WWOX: variants seen among roughly 807,000 people sequenced by gnomAD.
WWOX encodes WW domain-containing oxidoreductase.
A neutral mutation model predicts 46.2 loss-of-function variants in WWOX; 69 were observed. The ratio of observed to expected loss-of-function variants is 1.49; its 90% CI spans 1.23 to 1.82. The LOEUF (loss-of-function observed/expected upper bound fraction) is 1.82, where lower values mean the gene tolerates loss of function less well. Ranked by LOEUF, WWOX falls within the 40% of genes most tolerant of loss-of-function variation. The pLI, the probability that WWOX is intolerant of heterozygous loss-of-function variation, is 0.00. For missense variants in WWOX, 919 were observed against 542.6 expected, an observed-to-expected ratio of 1.69 and a Z score of -6.89; for synonymous variants, 359 against 202.6, an observed-to-expected ratio of 1.77 and a Z score of -6.56.
chr16:78,203,967 A>G (rs2036313103), intron 5 of WWOX, among the ~76,000 whole-genome samples: 1 of 152,156 alleles, frequency 6.6e-6, no homozygotes, highest in African/African-American at 2.4e-5. Flanking sequence ...TGGAGAGTTG[A>G]TGGGTAACAA....
intron 5 of WWOX, among the ~76,000 whole-genome samples, chr16:78,351,720 G>C (rs370293729): frequency 6.6e-6 from 1 of 152,092 alleles, no homozygotes; most frequent in Non-Finnish European, 1.5e-5. Flanking sequence ...GCAGTGGCAC[G>C]ATGTTGGCTC....
intron 6 of WWOX, among the ~76,000 whole-genome samples, chr16:78,390,487 T>C (rs1375070251): frequency 6.6e-6 from 1 of 152,224 alleles, no homozygotes; most frequent in African/African-American, 2.4e-5. Context: ...ATTTTCCATA[T>C]AGAGACCTCT....
At chr16:78,600,383 C>A (rs540473834) in intron 8 of WWOX, among the ~76,000 whole-genome samples, 2 of 152,150 alleles carry the variant, frequency 1.3e-5, no homozygotes, top group African/African-American at 4.8e-5. Context: ...AAACAGCCCC[C>A]CAGCTCCAGC....
intron 8 of WWOX, among the ~76,000 whole-genome samples, chr16:78,816,979 C>T (rs1054214605): frequency 2.0e-5 from 3 of 152,024 alleles, no homozygotes; most frequent in African/African-American, 7.2e-5. Flanking sequence ...TGGGCCTGAG[C>T]TATTGCCCAA....
intron 5 of WWOX, among the ~76,000 whole-genome samples, chr16:78,358,094 T>A (rs12930050): frequency 0.52 from 79,418 of 152,078 alleles, 22,301 homozygotes; most frequent in Non-Finnish European, 0.64. Context: ...GTTCTTTGTT[T>A]TTGTAAAAGC....
intron 8 of WWOX, among the ~76,000 whole-genome samples, chr16:78,829,880 C>T (rs980894919): frequency 6.6e-6 from 1 of 152,130 alleles, no homozygotes; most frequent in South Asian, 2.1e-4. Context: ...CTGTTGAGCA[C>T]CAGAGCAACC....
intron 8 of WWOX, among the ~76,000 whole-genome samples, chr16:78,914,847 C>G (rs542513754): frequency 1.0e-4 from 15 of 148,656 alleles, no homozygotes; most frequent in Middle Eastern, 3.5e-3. Context: ...CCACTGCACT[C>G]CCGCCCGGGT....
chr16:78,503,464 T>A lies in WWOX; in HGVS notation c.1056+70712T>A, dbSNP rs560049800. Among the ~76,000 whole-genome samples the A allele has an allele frequency of 6.6e-5, 10 of 152,312 alleles. No homozygotes were observed. The South Asian group carries it at 2.1e-3, about 32-fold the overall frequency. ...TCCTTATTGTAAAAAAAAAAAATTT[T>A]TTTTTGATCAAGGTGATTTTGATAA... is the stretch of plus-strand genomic sequence containing the variant. On this transcript the variant is annotated intron_variant, in intron 8 of 8. Coordinates refer to ENST00000566780, the MANE Select transcript of WWOX (RefSeq NM_016373.4).
chr16:78,711,126 A>G lies in WWOX; in HGVS notation c.1056+278374A>G, dbSNP rs576525989. On this transcript the variant is annotated intron_variant, in intron 8 of 8. Transcript: ENST00000566780. ...ACGTTTCTTTAAAGCCTGCTGGCTA[A>G]ATTAGGTGGGACCTTCTTTGTGTCC... Among the ~76,000 whole-genome samples the G allele has an allele frequency of 4.6e-5, 7 of 152,314 alleles. No homozygotes were observed. The South Asian group carries it at 1.2e-3, about 27-fold the overall frequency.
chr16:78,965,873 A>AT (rs1424332035), intron 8 of WWOX, among the ~76,000 whole-genome samples: 12 of 152,154 alleles, frequency 7.9e-5, no homozygotes, highest in Admixed American at 7.9e-4. Context: ...ACACTATTAG[A>AT]TTTTCCCAAG....
At chr16:78,889,457 G>C (rs1309287943) in intron 8 of WWOX, among the ~76,000 whole-genome samples, 1 of 150,346 alleles carries the variant, frequency 6.7e-6, no homozygotes, top group Non-Finnish European at 1.5e-5. Flanking sequence ...GTGTCTCAGA[G>C]TGATCATTCT....
At chr16:79,034,475 T>C (rs999455391) in intron 8 of WWOX, among the ~76,000 whole-genome samples, 1 of 152,258 alleles carries the variant, frequency 6.6e-6, no homozygotes, top group Non-Finnish European at 1.5e-5. Flanking sequence ...GCTGCATCTT[T>C]TGGGGGCTCT....
chr16:79,104,729 A>C (rs569606675), intron 8 of WWOX, among the ~76,000 whole-genome samples: 2 of 152,314 alleles, frequency 1.3e-5, no homozygotes, highest in East Asian at 3.9e-4. Flanking sequence ...GGGCCCCAGC[A>C]TGAGTCCTTT....
chr16:78,287,878 C>G, intron 5 of WWOX, among the ~76,000 whole-genome samples: 1 of 152,062 alleles, frequency 6.6e-6, no homozygotes, highest in South Asian at 2.1e-4. Context: ...TTTTAATGTT[C>G]CATTCTGAAG....
chr16:78,708,301 A>C (rs758883145), intron 8 of WWOX, among the ~76,000 whole-genome samples: 1 of 152,152 alleles, frequency 6.6e-6, no homozygotes, highest in Admixed American at 6.5e-5. Flanking sequence ...TACTCTAAAA[A>C]TTTTCTTTGG....
intron 8 of WWOX, among the ~76,000 whole-genome samples, chr16:78,796,576 A>T (rs1282089766): frequency 1.3e-5 from 2 of 152,238 alleles, no homozygotes; most frequent in East Asian, 3.8e-4. Context: ...ATTGCTTACA[A>T]TATTGCTTTT....
chr16:78,439,046 C>G (rs1244804415), intron 8 of WWOX, among the ~76,000 whole-genome samples: 3 of 152,178 alleles, frequency 2.0e-5, no homozygotes, highest in Non-Finnish European at 2.9e-5. Context: ...CTCCCCCTTT[C>G]CATCTTTAAA....
At chr16:78,896,409 T>A (rs1275023023) in intron 8 of WWOX, 1 of 152,142 alleles carries the variant, frequency 6.6e-6, no homozygotes, top group African/African-American at 2.4e-5. Flanking sequence ...GGGCCCTGAA[T>A]CGTGTATTCT....
At chr16:78,927,698 T>C (rs565266669) in intron 8 of WWOX, among the ~76,000 whole-genome samples, 6 of 152,354 alleles carry the variant, frequency 3.9e-5, no homozygotes, top group African/African-American at 1.4e-4. Flanking sequence ...AGCACTTATT[T>C]ATTGAGCTTA....
Sources: gnomAD v4.1 joint callset for allele counts (sites outside exome capture counted in the v4.1 genomes callset) on GRCh38, gnomAD v4.1.1 for gene constraint, MANE v1.5 for transcripts, NCBI Gene and HGNC (gene_info 2026-07-23, HGNC 2026-07-21) for gene names.